Variants in PIAS3 observed in about 807,000 individuals in gnomAD.
PIAS3 encodes E3 SUMO-protein ligase PIAS3.
A neutral mutation model predicts 67.6 loss-of-function variants in PIAS3; 34 were observed. The observed-to-expected ratio is 0.50, with a 90% CI of 0.38 to 0.67. PIAS3 has a LOEUF of 0.67. Among genes scored for constraint, PIAS3 ranks in the 30% least tolerant of loss-of-function variants. PIAS3 has a pLI of 0.00. For missense variants in PIAS3, 693 were observed against 791.6 expected (o/e 0.88, Z 1.49); for synonymous variants, 341 against 313.8 (o/e 1.09, Z -0.92).
chr1:145,849,793 T>A, intron 13 of PIAS3, 81 bp from the exon 14 acceptor site: 2 of 1,504,742 alleles, frequency 1.3e-6, no homozygotes. Context: ...AAATGCCGTA[T>A]GAGAGCAATC....
intron 7 of PIAS3, 159 bp downstream of exon 7, chr1:145,854,299 G>C: frequency 3.2e-6 from 2 of 622,394 alleles, no homozygotes; most frequent in Non-Finnish European, 5.7e-6. Flanking sequence ...CAACTATAAA[G>C]ACTGGAAGAC....
intron 1 of PIAS3, chr1:145,857,483 C>G (rs12756687): frequency 0.55 from 90,260 of 164,612 alleles, 27,273 homozygotes; most frequent in African/African-American, 0.81. Flanking sequence ...GACAGCCCCA[C>G]GGGAAGAAAG....
intron 11 of PIAS3, 81 bp from the exon 12 acceptor site, chr1:145,850,667 C>A: frequency 6.3e-7 from 1 of 1,596,510 alleles, no homozygotes. Context: ...CCCTCTCTGT[C>A]CCCTCCACAT....
intron 1 of PIAS3, among the ~76,000 whole-genome samples, chr1:145,857,722 C>T (rs1045004152): frequency 2.0e-5 from 3 of 152,146 alleles, no homozygotes; most frequent in East Asian, 1.9e-4. Flanking sequence ...AAACTTGGGT[C>T]GGGGAGATTA....
chr1:145,849,609 G>A lies in PIAS3; in HGVS notation c.1724C>T (p.Pro575Leu). Residue 575 changes from proline (P) to leucine (L), a missense_variant, in exon 14 of 14, where the codon CCC becomes CTC. Around this residue, in one of 3 missense-constraint regions of PIAS3, gnomAD observed 270 missense variants for 261.0 expected, o/e 1.03. Coordinates refer to ENST00000393045, the MANE Select transcript of PIAS3 (RefSeq NM_006099.3). ...GCTGCAGTGGGAGCTCCCCAGCGTGGGGGCCAGTGGGCCCAGAAAGTGAGA... is the reference window on the plus strand; with the variant it reads ...GCTGCAGTGGGAGCTCCCCAGCGTGAGGGCCAGTGGGCCCAGAAAGTGAGA... ...TPSHFLGPLA[P>L]TLGSSHCSAT... 6 of 1,613,452 alleles carry A rather than the reference G, an allele frequency of 3.7e-6. No homozygotes were observed. The highest frequency in any genetic ancestry group is 5.1e-6 in the Non-Finnish European group (6 of 1,179,714).
chr1:145,851,005 CAG>C lies in PIAS3; in HGVS notation c.1279+13_1279+14del, dbSNP rs782669349. 4 of 1,614,054 alleles carry C rather than the reference CAG, an allele frequency of 2.5e-6. No homozygotes were observed. The highest frequency in any genetic ancestry group is 1.1e-5 in the South Asian group (1 of 91,088). ...TCCAAGATTTAGCTTAGCTGGGGAA[CAG>C]GGGGTCACTCACCATCCAGCCCATA... On this transcript the variant is annotated intron_variant, in intron 10 of 13. Transcript: ENST00000393045.
At position 145,851,790 on chromosome 1, in the gene PIAS3, C is replaced by A. The variant is rs1034662304; in HGVS notation, c.1146-637G>T. Among the ~76,000 whole-genome samples, 3 of 150,710 alleles carry A rather than the reference C, an allele frequency of 2.0e-5. No homozygotes were observed. In the East Asian group the frequency reaches 5.9e-4, roughly 30 times the overall value. On this transcript the variant is annotated intron_variant, in intron 9 of 13. Transcript: ENST00000393045. ...CCAACATGGTGAAACCCCATCTCTA[C>A]CAAAAATACAAAATTAGCCGGATGT...
In PIAS3 at chr1:145,856,594, G is replaced by A. The variant is rs1653198216; in HGVS notation, c.437C>T (p.Thr146Ile). Residue 146 changes from threonine (T) to isoleucine (I), a missense_variant, in exon 2 of 14, where the codon ACC (threonine) becomes ATC (isoleucine). Coordinates refer to ENST00000393045, the MANE Select transcript of PIAS3 (RefSeq NM_006099.3). ...EVYGELIRPT[T>I]LASTSSQRFE... ...GGGACCACAAAGAGCCATACCAAGGGTGGTGGGCCGGATGAGCTCCCCATA... is the reference window on the plus strand; with the variant it reads ...GGGACCACAAAGAGCCATACCAAGGATGGTGGGCCGGATGAGCTCCCCATA... The A allele has an allele frequency of 6.4e-7, 1 of 1,566,610 alleles. No individual in the cohort carries two copies. Among genetic ancestry groups the A allele is most frequent in the Non-Finnish European group, 8.7e-7 (1 of 1,156,064 alleles).
chr1:145,856,466 T>C (rs367872543), intron 2 of PIAS3, 35 bp from the exon 3 acceptor site: 14 of 1,607,354 alleles, frequency 8.7e-6, no homozygotes, highest in South Asian at 6.6e-5. Context: ...TCCAAGCCCA[T>C]GCACAGGCAG....
rs781875579 is a variant in PIAS3 at position 145,850,590 on chromosome 1, T to C, written c.1449-4A>G. ...CTGGTGGCCAGATGTCAGGACTCTG[T>C]GGGTAGAGAGGAGCTGAGGCAGCCA... On this transcript the variant is annotated splice_region_variant and splice_polypyrimidine_tract_variant and intron_variant, in intron 11 of 13. Transcript: ENST00000393045. 2.1e-5 allele frequency: 34 copies of C among 1,613,292 alleles called. No homozygotes were observed. Among genetic ancestry groups the C allele is most frequent in the African/African-American group, 2.7e-5 (2 of 74,914 alleles).
At chr1:145,851,722 G>A (rs886983294) in intron 9 of PIAS3, among the ~76,000 whole-genome samples, 34 of 150,918 alleles carry the variant, frequency 2.3e-4, no homozygotes, top group Middle Eastern at 6.9e-3. Flanking sequence ...CAGAGACTGA[G>A]GTGGGTGGAT....
intron 1 of PIAS3, 80 bp downstream of exon 1, chr1:145,858,887 G>T: frequency 7.5e-7 from 1 of 1,326,476 alleles, no homozygotes; most frequent in Non-Finnish European, 1.0e-6. Flanking sequence ...CCGAGCCCCG[G>T]CACCCAGTCT....
At chr1:145,850,311 C>T (rs782111251) in intron 12 of PIAS3, 42 bp from the exon 13 acceptor site, 1 of 1,613,804 alleles carries the variant, frequency 6.2e-7, no homozygotes, top group African/African-American at 1.3e-5. Context: ...CCTATCTGAC[C>T]CCTTTACCAC....
chr1:145,857,160 G>A (rs1008374395), intron 1 of PIAS3, among the ~76,000 whole-genome samples, 154 bp from the exon 2 acceptor site: 3 of 152,124 alleles, frequency 2.0e-5, no homozygotes, highest in South Asian at 2.1e-4. Flanking sequence ...CCAGGTAGTC[G>A]ACCTATCCAA....
chr1:145,856,398 T>G lies in PIAS3; in HGVS notation c.476A>C (p.His159Pro). The G allele has an allele frequency of 6.2e-7, 1 of 1,614,106 alleles. No individual in the cohort carries two copies. Among genetic ancestry groups the G allele is most frequent in the Non-Finnish European group, 8.5e-7 (1 of 1,180,000 alleles). ...STSSQRFEEA[H>P]FTFALTPQQV... The stretch of plus-strand genomic sequence containing the variant: ...CTGGGGTGTGAGGGCAAAGGTAAAG[T>G]GCGCTTCCTCAAACCGCTGGCTAGA... Residue 159 changes from histidine to proline, a missense_variant, in exon 3 of 14, where the codon CAC becomes CCC. Physicochemically the swap from His to Pro is moderately conservative, Grantham distance 77. This residue lies in a region of PIAS3 where 308 missense variants were observed against 348.8 expected (regional missense o/e 0.88). Transcript: ENST00000393045.
rs782125535 is a variant in PIAS3 at position 145,849,720 on chromosome 1, GA to G, written c.1621-9del. On this transcript the variant is annotated splice_polypyrimidine_tract_variant and intron_variant, in intron 13 of 13. Transcript: ENST00000393045. ...GACAGAGGGGCCATAGTGCTAGGAA[GA>G]ATCAAGGGCATAGTTTAAGATCTCA... 6 of 1,572,670 alleles carry G rather than the reference GA, an allele frequency of 3.8e-6. No individual in the cohort carries two copies. In the South Asian group the frequency reaches 7.0e-5, roughly 18 times the overall value.
chr1:145,851,110 TCTC>T lies in PIAS3; in HGVS notation c.1186_1188del (p.Glu396del), dbSNP rs1553734253. The T allele has an allele frequency of 6.2e-7, 1 of 1,614,036 alleles. No individual in the cohort carries two copies. The highest frequency in any genetic ancestry group is 1.1e-5 in the South Asian group (1 of 91,076). On this transcript the variant is annotated inframe_deletion, in exon 10 of 14. Coordinates refer to ENST00000393045, the MANE Select transcript of PIAS3 (RefSeq NM_006099.3). Reference sequence around the variant, plus strand: ...CAGGATCCATCTTCCATGAATTGGATCTCATCACAATCTGAACAGGAACTAAGA... The same window carrying T: ...CAGGATCCATCTTCCATGAATTGGATATCACAATCTGAACAGGAACTAAGA...
Position 145,849,357 on chromosome 1 carries a change from C to A in PIAS3, c.*89G>T. On this transcript the variant is annotated 3_prime_UTR_variant, in exon 14 of 14. Transcript: ENST00000393045. The stretch of plus-strand genomic sequence containing the variant: ...GTCTGTCTGGCCCTTGGCCAGAGCC[C>A]CCAGAGGGATCAGAGTAGCTGGGGT... The A allele has an allele frequency of 1.5e-6, 2 of 1,363,224 alleles. No homozygotes were observed. Among genetic ancestry groups the A allele is most frequent in the Non-Finnish European group, 1.9e-6 (2 of 1,049,386 alleles). The allele number at this position is 1,363,224 out of a possible 1,614,324, so 84.4% of individuals were successfully genotyped here.
At position 145,849,993 on chromosome 1, in the gene PIAS3, C is replaced by T. The variant is rs1322888532; in HGVS notation, c.1620+239G>A. The stretch of plus-strand genomic sequence containing the variant: ...GCAGGCATGGTGCTCTAAGTGCACA[C>T]GGGGGTAGGGGTGAGTAGGCCAGGG... On this transcript the variant is annotated intron_variant, in intron 13 of 13. Transcript: ENST00000393045. The T allele has an allele frequency of 9.1e-6, 13 of 1,429,922 alleles. No homozygotes were observed. In the South Asian group the frequency reaches 1.6e-4, roughly 17 times the overall value. 88.6% of individuals were successfully genotyped at this position (1,429,922 alleles called of 1,614,324 possible). A position where few individuals can be genotyped will look rare whatever the true frequency, so the allele number is the denominator to read the frequency against.
Sources: gnomAD v4.1 joint callset for allele counts (sites outside exome capture counted in the v4.1 genomes callset) on GRCh38, gnomAD v4.1.1 for gene constraint, gnomAD v4.1.1 regional missense constraint, MANE v1.5 for transcripts, NCBI Gene and HGNC (gene_info 2026-07-23, HGNC 2026-07-21) for gene names.